Variants in CNBD1 observed in about 807,000 individuals in gnomAD.
CNBD1 encodes the protein cyclic nucleotide binding domain containing 1.
CNBD1 carries 71 observed loss-of-function variants against 54.4 expected under a neutral mutation model. The observed-to-expected ratio is 1.30, with a 90% CI of 1.08 to 1.59. The LOEUF (loss-of-function observed/expected upper bound fraction) is 1.59, where lower values mean the gene tolerates loss of function less well. CNBD1 is among the 40% of genes most tolerant of loss of function. The pLI is 0.00. For synonymous variants in CNBD1, 182 were observed against 170.7 expected (o/e 1.07, Z -0.51); for missense variants, 659 against 518.0 (o/e 1.27, Z -2.64).
intron 2 of CNBD1, among the ~76,000 whole-genome samples, chr8:87,388,064 A>G (rs185796328): frequency 1.3e-5 from 2 of 152,354 alleles, no homozygotes; most frequent in Admixed American, 1.3e-4. Context: ...AAACGAGAAC[A>G]AGGACACAAC....
chr8:87,419,955 T>G (rs1395489450), intron 2 of CNBD1, among the ~76,000 whole-genome samples: 3 of 148,238 alleles, frequency 2.0e-5, no homozygotes, highest in Non-Finnish European at 4.5e-5. Flanking sequence ...AAATATATAT[T>G]ATATATATAT....
At chr8:86,993,860 AAG>A (rs1490212450) in intron 4 of CNBD1, among the ~76,000 whole-genome samples, 1 of 152,126 alleles carries the variant, frequency 6.6e-6, no homozygotes, top group African/African-American at 2.4e-5. Context: ...TTGGTGGAGG[AAG>A]AGAGAGATGA....
intron 8 of CNBD1, among the ~76,000 whole-genome samples, chr8:87,321,282 C>T (rs1056851146): frequency 1.3e-5 from 2 of 152,120 alleles, no homozygotes; most frequent in Admixed American, 6.6e-5. Context: ...TGCAACATTT[C>T]GCATTATCAC....
intron 2 of CNBD1, among the ~76,000 whole-genome samples, chr8:87,395,796 T>A (rs904619328): frequency 1.3e-5 from 2 of 151,870 alleles, no homozygotes; most frequent in East Asian, 3.9e-4. Context: ...GGGAGGGACC[T>A]GGTGAGAGAT....
At chr8:87,332,141 A>G (rs371667485) in intron 8 of CNBD1, among the ~76,000 whole-genome samples, 10 of 152,246 alleles carry the variant, frequency 6.6e-5, no homozygotes, top group African/African-American at 2.4e-4. Flanking sequence ...TGAGGTCAGG[A>G]GTTCGAGATC....
chr8:87,023,758 G>A (rs1038800842), intron 4 of CNBD1, among the ~76,000 whole-genome samples: 2 of 152,172 alleles, frequency 1.3e-5, no homozygotes, highest in African/African-American at 4.8e-5. Context: ...GTGGCTGGAT[G>A]TCTTGGCTTG....
intron 4 of CNBD1, among the ~76,000 whole-genome samples, chr8:87,075,914 A>G (rs1810859909): frequency 6.6e-6 from 1 of 151,974 alleles, no homozygotes; most frequent in Non-Finnish European, 1.5e-5. Flanking sequence ...TTATCTTTTT[A>G]TTTTTGTCTT....
At chr8:87,171,730 C>A in intron 4 of CNBD1, among the ~76,000 whole-genome samples, 1 of 151,912 alleles carries the variant, frequency 6.6e-6, no homozygotes, top group East Asian at 1.9e-4. Context: ...CCTTCATCTC[C>A]TGGGTTCAAG....
intron 3 of CNBD1, among the ~76,000 whole-genome samples, chr8:86,938,098 A>G (rs1809583509): frequency 6.6e-6 from 1 of 151,938 alleles, no homozygotes; most frequent in South Asian, 2.1e-4. Context: ...CATCTCCCTC[A>G]AGTTCAAAGT....
At chr8:87,053,354 A>G (rs1810350263) in intron 4 of CNBD1, among the ~76,000 whole-genome samples, 1 of 152,202 alleles carries the variant, frequency 6.6e-6, no homozygotes, top group Non-Finnish European at 1.5e-5. Context: ...ACAAAAGAAT[A>G]TGAGCCACTT....
intron 4 of CNBD1, among the ~76,000 whole-genome samples, chr8:87,178,328 A>G (rs1813241956): frequency 6.6e-6 from 1 of 152,236 alleles, no homozygotes; most frequent in African/African-American, 2.4e-5. Flanking sequence ...AGAAAGCCTC[A>G]ATGAGAAGTT....
At chr8:87,275,636 G>T (rs1411197515) in intron 6 of CNBD1, among the ~76,000 whole-genome samples, 1 of 151,544 alleles carries the variant, frequency 6.6e-6, no homozygotes, top group African/African-American at 2.4e-5. Context: ...GGCAAAAACT[G>T]GAAGCATTCC....
intron 4 of CNBD1, among the ~76,000 whole-genome samples, chr8:87,141,418 T>C (rs928498050): frequency 1.3e-5 from 2 of 152,294 alleles, no homozygotes; most frequent in African/African-American, 4.8e-5. Context: ...CAGAATATTA[T>C]AAAAGGTTAG....
chr8:87,302,114 G>C (rs529303611), intron 8 of CNBD1, among the ~76,000 whole-genome samples: 7 of 152,134 alleles, frequency 4.6e-5, no homozygotes, highest in Non-Finnish European at 7.3e-5. Context: ...TAGAAAAAGA[G>C]GGAATCCTCC....
chr8:86,939,820 AGTT>A (rs1204264052), intron 4 of CNBD1, 66 bp downstream of exon 4: 2 of 1,078,028 alleles, frequency 1.9e-6, no homozygotes, highest in Admixed American at 5.6e-5. Context: ...TATTTTTTAA[AGTT>A]TATTGTTTGT....
At chr8:87,021,978 T>C (rs1216596521) in intron 4 of CNBD1, among the ~76,000 whole-genome samples, 1 of 152,026 alleles carries the variant, frequency 6.6e-6, no homozygotes, top group African/African-American at 2.4e-5. Flanking sequence ...TTTATTTATA[T>C]CAGAAATGAC....
intron 6 of CNBD1, among the ~76,000 whole-genome samples, chr8:87,271,956 A>G (rs1473755409): frequency 6.6e-6 from 1 of 152,030 alleles, no homozygotes; most frequent in Non-Finnish European, 1.5e-5. Context: ...AACTGCAACA[A>G]TGTGGTTGGA....
At chr8:87,231,611 T>A (rs542738034) in intron 5 of CNBD1, among the ~76,000 whole-genome samples, 1 of 151,212 alleles carries the variant, frequency 6.6e-6, no homozygotes, top group Non-Finnish European at 1.5e-5. Flanking sequence ...AAACAATATT[T>A]GCTGTCATCT....
At chr8:87,214,833 A>G (rs1438960974) in intron 5 of CNBD1, among the ~76,000 whole-genome samples, 1 of 152,072 alleles carries the variant, frequency 6.6e-6, no homozygotes, top group Non-Finnish European at 1.5e-5. Flanking sequence ...CTGCCATGAG[A>G]ACAGTATGGG....
Sources: allele counts gnomAD v4.1 joint callset (sites outside exome capture counted in the v4.1 genomes callset), GRCh38; gene constraint gnomAD v4.1.1; transcripts MANE v1.5; gene names NCBI Gene and HGNC (gene_info 2026-07-23, HGNC 2026-07-21).